FRRS1: variants seen among roughly 807,000 people sequenced by gnomAD.
FRRS1 encodes ferric reductase 1.
FRRS1 carries 51 observed loss-of-function variants against 70.7 expected under a neutral mutation model. The ratio of observed to expected loss-of-function variants is 0.72; its 90% CI spans 0.58 to 0.91. The LOEUF (loss-of-function observed/expected upper bound fraction) is 0.91. FRRS1 is among the 40% of genes least tolerant of loss of function. FRRS1 has a pLI of 0.00. For synonymous variants in FRRS1, 225 were observed against 238.7 expected (o/e 0.94, Z 0.53); for missense variants, 672 against 726.0 (o/e 0.93, Z 0.86).
intron 9 of FRRS1, among the ~76,000 whole-genome samples, chr1:99,722,261 G>A (rs1421458178): frequency 1.3e-5 from 2 of 151,858 alleles, no homozygotes; most frequent in Non-Finnish European, 2.9e-5. Context: ...TGCCCGTCTC[G>A]GTCTCTCAAA....
intron 6 of FRRS1, among the ~76,000 whole-genome samples, 175 bp from the exon 7 acceptor site, chr1:99,738,443 G>A (rs6658800): frequency 0.49 from 75,186 of 151,998 alleles, 22,613 homozygotes; most frequent in African/African-American, 0.85. Flanking sequence ...AAAAATGATC[G>A]GAGCAGTAGT....
Position 99,704,777 on chromosome 1 carries a change from C to T in FRRS1, c.*4251G>A, listed in dbSNP as rs931409104. 2.6e-5 allele frequency among the ~76,000 whole-genome samples: 4 copies of T among 151,974 alleles called. No individual in the cohort carries two copies. Among genetic ancestry groups the T allele is most frequent in the African/African-American group, 9.7e-5 (4 of 41,376 alleles). On this transcript the variant is annotated 3_prime_UTR_variant, in exon 17 of 17. Transcript: ENST00000646001. ...GAGCACACGACAGATCCCAGCATGC[C>T]GACAGGCCACGACTGGCGGAAGGAG...
intron 9 of FRRS1, among the ~76,000 whole-genome samples, chr1:99,727,763 G>C (rs769438901): frequency 5.9e-5 from 9 of 152,166 alleles, no homozygotes; most frequent in Non-Finnish European, 1.0e-4. Flanking sequence ...ATGCTACATT[G>C]ACATTTCCTG....
rs1385908810 is a variant in FRRS1, at chr1:99,712,189, T to C, written c.1422-26A>G. The C allele has an allele frequency of 2.0e-6, 3 of 1,521,902 alleles. No individual in the cohort carries two copies. The Admixed American group carries it at 5.1e-5, about 26-fold the overall frequency. The allele number at this position is 1,521,902 out of a possible 1,614,324, so 94.3% of individuals were successfully genotyped here. ...CTACCAAAATAAGAACCAGTCAGTA[T>C]TCTTAAAAGCAATGGAACTATAATT... is the stretch of plus-strand genomic sequence containing the variant. On this transcript the variant is annotated intron_variant, in intron 13 of 16. Transcript: ENST00000646001.
At chr1:99,751,712 G>A (rs8179322) in intron 1 of FRRS1, among the ~76,000 whole-genome samples, 75,198 of 151,850 alleles carry the variant, frequency 0.5, 22,618 homozygotes, top group African/African-American at 0.85. Context: ...AAAAATTGAG[G>A]GAATGTGTTG....
intron 1 of FRRS1, among the ~76,000 whole-genome samples, chr1:99,759,204 C>A (rs565546932): frequency 1.6e-4 from 25 of 152,254 alleles, no homozygotes; most frequent in South Asian, 1.2e-3. Flanking sequence ...TGTTCTTACA[C>A]CCCCTCCCCT....
At position 99,710,241 on chromosome 1, in the gene FRRS1, C is replaced by T. The variant is rs1004510247; in HGVS notation, c.1624+565G>A. 2.0e-5 allele frequency among the ~76,000 whole-genome samples: 3 copies of T among 152,188 alleles called. No individual in the cohort carries two copies. In the South Asian group the frequency reaches 6.2e-4, roughly 32 times the overall value. ...GCCTAGAATCCAGGCTAAATGATACCCATTCCCTACTAATTTCTCCACTCC... is the reference window on the plus strand; with the variant it reads ...GCCTAGAATCCAGGCTAAATGATACTCATTCCCTACTAATTTCTCCACTCC... On this transcript the variant is annotated intron_variant, in intron 15 of 16. Coordinates refer to ENST00000646001, the MANE Select transcript of FRRS1 (RefSeq NM_001361041.2).
At chr1:99,731,013 G>C (rs1426568128) in intron 7 of FRRS1, among the ~76,000 whole-genome samples, 1 of 152,144 alleles carries the variant, frequency 6.6e-6, no homozygotes, top group African/African-American at 2.4e-5. Context: ...ACCAGCCTGG[G>C]CAACTGAGGG....
At chr1:99,715,505 C>A in intron 12 of FRRS1, 81 bp downstream of exon 12, 1 of 807,254 alleles carries the variant, frequency 1.2e-6, no homozygotes. Context: ...TATCTTTTTA[C>A]CCATCATTTG....
chr1:99,739,314 A>T (rs1201613815), intron 6 of FRRS1, among the ~76,000 whole-genome samples: 1 of 152,246 alleles, frequency 6.6e-6, no homozygotes. Flanking sequence ...AAAAGTTCCA[A>T]CAAGAGCCTT....
At position 99,742,287 on chromosome 1, in the gene FRRS1, G is replaced by GA. The variant is rs748175254; in HGVS notation, c.334-15dup. 2 of 1,519,064 alleles carry GA rather than the reference G, an allele frequency of 1.3e-6. No individual in the cohort carries two copies. Among genetic ancestry groups the GA allele is most frequent in the Admixed American group, 1.7e-5 (1 of 59,878 alleles). 94.1% of individuals were successfully genotyped at this position (1,519,064 alleles called of 1,614,324 possible). A position where few individuals can be genotyped will look rare whatever the true frequency, so the allele number is the denominator to read the frequency against. On this transcript the variant is annotated splice_polypyrimidine_tract_variant and intron_variant, in intron 4 of 16. Coordinates refer to ENST00000646001, the MANE Select transcript of FRRS1 (RefSeq NM_001361041.2). The stretch of plus-strand genomic sequence containing the variant: ...CACTGCTGATCCCTGAAATAAAAGG[G>GA]AAAAGAGCTACCATTCAGTCACTCA...
intron 11 of FRRS1, among the ~76,000 whole-genome samples, chr1:99,716,315 G>A (rs1654525965): frequency 6.6e-6 from 1 of 152,192 alleles, no homozygotes; most frequent in Non-Finnish European, 1.5e-5. Context: ...TGGAGATAGA[G>A]ACAGAGATAA....
intron 1 of FRRS1, among the ~76,000 whole-genome samples, chr1:99,758,666 T>C (rs1279665467): frequency 6.6e-6 from 1 of 152,148 alleles, no homozygotes; most frequent in East Asian, 1.9e-4. Flanking sequence ...GAATAACTGA[T>C]TTTTAGGGAA....
chr1:99,712,677 G>T (rs1024984541), intron 12 of FRRS1, among the ~76,000 whole-genome samples, 162 bp from the exon 13 acceptor site: 1 of 152,068 alleles, frequency 6.6e-6, no homozygotes, highest in Non-Finnish European at 1.5e-5. Flanking sequence ...GAGTATACAC[G>T]TTGTACCAGG....
chr1:99,738,680 C>T (rs1015962666), intron 6 of FRRS1, among the ~76,000 whole-genome samples: 21 of 152,140 alleles, frequency 1.4e-4, no homozygotes, highest in Non-Finnish European at 2.5e-4. Context: ...AGGGTATCCT[C>T]TAGTTCTCAG....
chr1:99,760,599 C>T (rs1044966915), intron 1 of FRRS1, among the ~76,000 whole-genome samples: 5 of 152,156 alleles, frequency 3.3e-5, no homozygotes, highest in African/African-American at 1.2e-4. Flanking sequence ...AAAAGTGGCA[C>T]ATTCAATACC....
intron 4 of FRRS1, among the ~76,000 whole-genome samples, chr1:99,746,157 G>A (rs1656253518): frequency 1.3e-5 from 2 of 152,160 alleles, no homozygotes; most frequent in African/African-American, 4.8e-5. Context: ...AGAACCCCAT[G>A]AGCTCAACAC....
At chr1:99,709,310 T>C in intron 15 of FRRS1, 51 bp from the exon 16 acceptor site, 1 of 1,326,024 alleles carries the variant, frequency 7.5e-7, no homozygotes, top group Non-Finnish European at 1.1e-6. Flanking sequence ...TGCAGGTAAA[T>C]TAAATTTTTT....
At chr1:99,729,069 C>T (rs1655212986) in intron 8 of FRRS1, among the ~76,000 whole-genome samples, 1 of 152,224 alleles carries the variant, frequency 6.6e-6, no homozygotes, top group African/African-American at 2.4e-5. Context: ...AGGCTGTGCA[C>T]AGTTATGTCA....
Sources: allele counts gnomAD v4.1 joint callset (sites outside exome capture counted in the v4.1 genomes callset), GRCh38; gene constraint gnomAD v4.1.1; transcripts MANE v1.5; gene names NCBI Gene and HGNC (gene_info 2026-07-23, HGNC 2026-07-21).